Variants in CA5A observed in about 807,000 individuals in gnomAD.
CA5A encodes the protein carbonic anhydrase 5A, mitochondrial.
In CA5A, 28 loss-of-function variants were observed where a neutral mutation model predicts 37.1. The observed-to-expected ratio is 0.75, with a 90% confidence interval of 0.56 to 1.03. The LOEUF (loss-of-function observed/expected upper bound fraction) is 1.03, where lower values mean the gene tolerates loss of function less well. Among genes scored for constraint, CA5A ranks in the 50% least tolerant of loss-of-function variants. The probability of loss-of-function intolerance (pLI) is 0.00; values close to 1 mark genes in which losing one functional copy is unlikely to be tolerated. For synonymous variants in CA5A, 171 were observed against 158.4 expected (o/e 1.08, Z -0.60); for missense variants, 444 against 399.9 (o/e 1.11, Z -0.94).
chr16:87,913,602 T>C (rs2056084083), intron 2 of CA5A, among the ~76,000 whole-genome samples: 1 of 152,104 alleles, frequency 6.6e-6, no homozygotes, highest in Non-Finnish European at 1.5e-5. Context: ...CGTAGCTCCT[T>C]TGAAATCTCT....
At chr16:87,909,559 G>A (rs2056019723) in intron 2 of CA5A, among the ~76,000 whole-genome samples, 1 of 152,250 alleles carries the variant, frequency 6.6e-6, no homozygotes, top group African/African-American at 2.4e-5. Flanking sequence ...GTTCGGTGAA[G>A]AGCAACGTAG....
intron 5 of CA5A, among the ~76,000 whole-genome samples, chr16:87,896,964 A>G (rs1238084817): frequency 6.6e-6 from 1 of 152,210 alleles, no homozygotes; most frequent in African/African-American, 2.4e-5. Context: ...TCTCTTAAAC[A>G]GGACCCCACA....
chr16:87,892,554 ATAAATT>A (rs2055734504), intron 5 of CA5A, among the ~76,000 whole-genome samples: 2 of 131,444 alleles, frequency 1.5e-5, no homozygotes, highest in Non-Finnish European at 3.3e-5. Context: ...AATAATAATA[ATAAATT>A]AATTAATAAT....
chr16:87,912,226 C>A (rs1264430369), intron 2 of CA5A, among the ~76,000 whole-genome samples: 3 of 152,066 alleles, frequency 2.0e-5, no homozygotes, highest in Non-Finnish European at 4.4e-5. Context: ...CGCTTGAACC[C>A]GGGAGGTGCA....
chr16:87,886,064 T>A (rs1178417639), downstream of CA5A: 1 of 151,442 alleles, frequency 6.6e-6, no homozygotes, highest in Non-Finnish European at 1.5e-5. Flanking sequence ...TCCAAAAGAA[T>A]GAGCTTGCCG....
intron 2 of CA5A, among the ~76,000 whole-genome samples, chr16:87,923,092 C>G (rs1457195288): frequency 6.6e-6 from 1 of 152,232 alleles, no homozygotes; most frequent in Non-Finnish European, 1.5e-5. Context: ...TGGCAGTCGC[C>G]CCTTCTCTGA....
At chr16:87,923,930 C>G (rs1048006515) in intron 2 of CA5A, 14 of 984,924 alleles carry the variant, frequency 1.4e-5, no homozygotes, top group Non-Finnish European at 1.7e-5. Context: ...TTTGGTTTTT[C>G]AATATTTTGA....
chr16:87,892,858 G>C (rs1030918893), intron 5 of CA5A: 3 of 388,192 alleles, frequency 7.7e-6, no homozygotes, highest in East Asian at 8.3e-5. Context: ...GTCTCACCAT[G>C]TTAGCCAGGC....
intron 5 of CA5A, among the ~76,000 whole-genome samples, chr16:87,900,289 G>A (rs572283868): frequency 1.4e-4 from 22 of 152,334 alleles, no homozygotes; most frequent in Non-Finnish European, 2.5e-4. Flanking sequence ...AGGATGGGGC[G>A]TCAGAGCTCT....
At position 87,891,936 on chromosome 16, in the gene CA5A, G is replaced by T. The variant is rs372942702; in HGVS notation, c.637C>A (p.Arg213Ser). 1.9e-6 allele frequency: 3 copies of T among 1,550,690 alleles called. No individual in the cohort carries two copies. Among genetic ancestry groups the T allele is most frequent in the Non-Finnish European group, 2.6e-6 (3 of 1,149,448 alleles). ...IKHKDARAAM[R>S]PFDPSTLLPT... ...AGCAGAGTGGAGGGGTCGAAGGGGC[G>T]CATGGCCGCCCGCGCGTCCTGAGAG... is the stretch of plus-strand genomic sequence containing the variant. Residue 213 changes from arginine (R) to serine (S), a missense_variant, in exon 6 of 7, where the codon CGC becomes AGC. Transcript: ENST00000649794.
At chr16:87,931,659 G>T (rs1049054555) in intron 1 of CA5A, among the ~76,000 whole-genome samples, 1 of 152,152 alleles carries the variant, frequency 6.6e-6, no homozygotes, top group African/African-American at 2.4e-5. Context: ...CATGATAGAC[G>T]GGGAGGATGC....
At chr16:87,905,650 C>G (rs1464502693) in intron 2 of CA5A, among the ~76,000 whole-genome samples, 1 of 152,244 alleles carries the variant, frequency 6.6e-6, no homozygotes, top group Non-Finnish European at 1.5e-5. Context: ...TGAGCCACCG[C>G]TCCTGGGTGA....
intron 2 of CA5A, among the ~76,000 whole-genome samples, chr16:87,915,395 C>A (rs543680797): frequency 2.6e-5 from 4 of 152,002 alleles, no homozygotes; most frequent in African/African-American, 9.7e-5. Context: ...CAAGGCCAGG[C>A]GTGGTGGAGT....
chr16:87,893,366 A>T, intron 5 of CA5A: 1 of 424,286 alleles, frequency 2.4e-6, no homozygotes, highest in South Asian at 1.8e-5. Context: ...TGACCTCGTG[A>T]TCTGCCCACC....
chr16:87,917,761 AGTGC>A (rs2056173108), intron 2 of CA5A, among the ~76,000 whole-genome samples: 1 of 97,606 alleles, frequency 1.0e-5, no homozygotes, highest in South Asian at 4.0e-4. Flanking sequence ...ATGTATACAC[AGTGC>A]ACATGTGCAC....
chr16:87,915,526 A>ATTTTTTTTTTTTTT (rs59358304), intron 2 of CA5A, among the ~76,000 whole-genome samples: 1 of 72,980 alleles, frequency 1.4e-5, no homozygotes, highest in Non-Finnish European at 2.4e-5. Context: ...CTGTGTCAAA[A>ATTTTTTTTTTTTTT]TTTTTTTTTT....
chr16:87,891,233 C>T (rs1364544195), intron 6 of CA5A, among the ~76,000 whole-genome samples: 1 of 151,036 alleles, frequency 6.6e-6, no homozygotes, highest in Non-Finnish European at 1.5e-5. Flanking sequence ...TTTGGGAGGC[C>T]AAGGTGGGCA....
At chr16:87,934,899 G>A (rs1248130422) in intron 1 of CA5A, among the ~76,000 whole-genome samples, 2 of 152,104 alleles carry the variant, frequency 1.3e-5, no homozygotes, top group African/African-American at 4.8e-5. Context: ...GGCAGAGGCT[G>A]CAGTGAGCCG....
intron 3 of CA5A, among the ~76,000 whole-genome samples, chr16:87,902,909 C>G (rs2055901003): frequency 7.0e-6 from 1 of 142,366 alleles, no homozygotes; most frequent in Non-Finnish European, 1.5e-5. Flanking sequence ...GAGACTCCAT[C>G]TCACAAAAAA....
Sources: gnomAD v4.1 joint callset for allele counts (sites outside exome capture counted in the v4.1 genomes callset) on GRCh38, gnomAD v4.1.1 for gene constraint, MANE v1.5 for transcripts, NCBI Gene and HGNC (gene_info 2026-07-23, HGNC 2026-07-21) for gene names.